The following FARS2 variants were observed in gnomAD, a reference collection of about 807,000 sequenced individuals.
FARS2 encodes the protein phenylalanyl-tRNA synthetase 2, mitochondrial, also known as phenylalanine--tRNA ligase, mitochondrial.
In FARS2, 40 loss-of-function variants were observed where a neutral mutation model predicts 46.4. The ratio of observed to expected loss-of-function variants is 0.86; its 90% CI spans 0.67 to 1.12. The LOEUF is 1.12. Among genes scored for constraint, FARS2 ranks in the 50% most tolerant of loss-of-function variants. The probability of loss-of-function intolerance (pLI) is 0.00; values close to 1 mark genes in which losing one functional copy is unlikely to be tolerated. For missense variants in FARS2, 513 were observed against 567.9 expected (o/e 0.90, Z 0.98); for synonymous variants, 234 against 214.9 (o/e 1.09, Z -0.78).
chr6:5,341,217 ATATATATATATATATATATTTT>A (rs1160782036), intron 1 of FARS2, among the ~76,000 whole-genome samples: 178 of 5,982 alleles, frequency 0.03, 17 homozygotes, highest in East Asian at 0.096. Context: ...ATATATATAT[ATATATATATATATATATATTTT>A]TTTTTTTTTT....
intron 4 of FARS2, among the ~76,000 whole-genome samples, chr6:5,450,957 C>T (rs1437281369): frequency 6.6e-6 from 1 of 152,132 alleles, no homozygotes; most frequent in Admixed American, 6.5e-5. Flanking sequence ...TTGTTTGCCT[C>T]AGCCTCCTTT....
At chr6:5,715,009 A>G (rs1007613688) in intron 6 of FARS2, among the ~76,000 whole-genome samples, 1 of 152,208 alleles carries the variant, frequency 6.6e-6, no homozygotes, top group Non-Finnish European at 1.5e-5. Flanking sequence ...TGGGCAACAG[A>G]GCGAGATTTC....
At chr6:5,592,013 G>A (rs2142736) in intron 5 of FARS2, among the ~76,000 whole-genome samples, 127,716 of 152,232 alleles carry the variant, frequency 0.84, 53,773 homozygotes, top group African/African-American at 0.9. Flanking sequence ...AAGATGGGTC[G>A]ATTGATGCCA....
At chr6:5,647,832 C>T (rs1007268081) in intron 6 of FARS2, among the ~76,000 whole-genome samples, 3 of 152,210 alleles carry the variant, frequency 2.0e-5, no homozygotes. Context: ...AAATCCTCCT[C>T]CTTTTTTCAT....
intron 6 of FARS2, among the ~76,000 whole-genome samples, chr6:5,629,812 A>T (rs1166120362): frequency 6.6e-6 from 1 of 151,612 alleles, no homozygotes; most frequent in African/African-American, 2.4e-5. Flanking sequence ...TGACAATATA[A>T]AAAAAAAGAC....
intron 1 of FARS2, among the ~76,000 whole-genome samples, chr6:5,360,615 ATTAT>A (rs556929298): frequency 6.8e-4 from 104 of 152,260 alleles, no homozygotes; most frequent in Non-Finnish European, 1.3e-3. Context: ...TGGTGATCTT[ATTAT>A]TTGCGTATTA....
At chr6:5,725,042 C>T (rs937649706) in intron 6 of FARS2, among the ~76,000 whole-genome samples, 5 of 152,244 alleles carry the variant, frequency 3.3e-5, no homozygotes, top group African/African-American at 9.6e-5. Flanking sequence ...TGTTACCACA[C>T]GTGGAAAACA....
chr6:5,353,629 T>C (rs1470897004), intron 1 of FARS2, among the ~76,000 whole-genome samples: 1 of 152,140 alleles, frequency 6.6e-6, no homozygotes, highest in Non-Finnish European at 1.5e-5. Flanking sequence ...TGCATTTCCC[T>C]GATGATTTAT....
intron 6 of FARS2, among the ~76,000 whole-genome samples, chr6:5,722,666 G>A (rs1366379864): frequency 1.3e-5 from 2 of 152,116 alleles, no homozygotes; most frequent in Non-Finnish European, 2.9e-5. Context: ...GCTGTCAAGG[G>A]CTACACTGAT....
intron 5 of FARS2, chr6:5,609,388 T>G (rs7767917): frequency 0.45 from 561,376 of 1,246,186 alleles, 134,299 homozygotes; most frequent in Admixed American, 0.5. Flanking sequence ...GAAGACTGAT[T>G]GTTGTAATTG....
chr6:5,640,489 T>G (rs1776762947), intron 6 of FARS2, among the ~76,000 whole-genome samples: 2 of 152,196 alleles, frequency 1.3e-5, no homozygotes, highest in Admixed American at 6.5e-5. Context: ...TATAACAGAC[T>G]GGAGGCCTGG....
rs113966210 is a variant in FARS2, at chr6:5,348,001, A to C, written c.-21-20549A>C. Among the ~76,000 whole-genome samples the C allele has an allele frequency of 4.6e-5, 7 of 152,178 alleles. No individual in the cohort carries two copies. In the East Asian group the frequency reaches 9.6e-4, roughly 21 times the overall value. On this transcript the variant is annotated intron_variant, in intron 1 of 6. Coordinates refer to ENST00000274680, the MANE Select transcript of FARS2 (RefSeq NM_006567.5). ...TCTTCTCTGGTGAAGTGTTTGTTCA[A>C]ATCTTTTATTGATTTGTTTTTAACT...
At chr6:5,676,584 A>G (rs1027873499) in intron 6 of FARS2, among the ~76,000 whole-genome samples, 1 of 152,252 alleles carries the variant, frequency 6.6e-6, no homozygotes. Flanking sequence ...CACATGCCTT[A>G]TAATCATATA....
chr6:5,410,149 G>GGTT (rs1761852905), intron 3 of FARS2, among the ~76,000 whole-genome samples: 1 of 120,542 alleles, frequency 8.3e-6, no homozygotes, highest in South Asian at 2.8e-4. Flanking sequence ...TCGTTTTTGT[G>GGTT]TTTTTTTGTT....
In FARS2 at chr6:5,393,272, G is replaced by A. The variant is rs190739864; in HGVS notation, c.613-11270G>A. 2.4e-3 allele frequency among the ~76,000 whole-genome samples: 361 copies of A among 152,172 alleles called. 2 individuals carry two copies. Among genetic ancestry groups the A allele is most frequent in the Admixed American group, 3.8e-3 (58 of 15,270 alleles). ...TGGAAAAGATACTCCCACAGATTTG[G>A]ATTCCATGTGTGTAAAGGAGTGGTG... is the stretch of plus-strand genomic sequence containing the variant. On this transcript the variant is annotated intron_variant, in intron 2 of 6. Coordinates refer to ENST00000274680, the MANE Select transcript of FARS2 (RefSeq NM_006567.5).
chr6:5,577,465 A>G (rs1773053558), intron 5 of FARS2, among the ~76,000 whole-genome samples: 1 of 152,162 alleles, frequency 6.6e-6, no homozygotes, highest in African/African-American at 2.4e-5. Flanking sequence ...GTTTCTAAAT[A>G]CCACACTCCA....
At chr6:5,683,799 T>C (rs1027955913) in intron 6 of FARS2, among the ~76,000 whole-genome samples, 1 of 152,116 alleles carries the variant, frequency 6.6e-6, no homozygotes, top group Non-Finnish European at 1.5e-5. Flanking sequence ...GGCCCCGGTA[T>C]GTGATGTTCC....
intron 3 of FARS2, among the ~76,000 whole-genome samples, chr6:5,415,118 T>C (rs1762153475): frequency 6.7e-6 from 1 of 150,204 alleles, no homozygotes; most frequent in South Asian, 2.1e-4. Context: ...CACCCGGCCA[T>C]GACTAACTTT....
At chr6:5,439,472 C>T (rs560675061) in intron 4 of FARS2, among the ~76,000 whole-genome samples, 3 of 152,364 alleles carry the variant, frequency 2.0e-5, no homozygotes, top group African/African-American at 7.2e-5. Context: ...GCAGGAACTT[C>T]ACCCTGTGTG....
Sources: gnomAD v4.1 joint callset for allele counts (sites outside exome capture counted in the v4.1 genomes callset) on GRCh38, gnomAD v4.1.1 for gene constraint, MANE v1.5 for transcripts, NCBI Gene and HGNC (gene_info 2026-07-23, HGNC 2026-07-21) for gene names.